Variants in PDE5A observed in about 807,000 individuals in gnomAD.
The protein encoded by PDE5A is cGMP-specific 3',5'-cyclic phosphodiesterase.
A neutral mutation model predicts 110.2 loss-of-function variants in PDE5A; 67 were observed. The ratio of observed to expected loss-of-function variants is 0.61; its 90% CI spans 0.50 to 0.75. The LOEUF (loss-of-function observed/expected upper bound fraction) is 0.75, where lower values mean the gene tolerates loss of function less well. Among genes scored for constraint, PDE5A ranks in the 30% least tolerant of loss-of-function variants. The pLI, the probability that PDE5A is intolerant of heterozygous loss-of-function variation, is 0.00. For synonymous variants in PDE5A, 328 were observed against 351.2 expected (o/e 0.93, Z 0.74); for missense variants, 862 against 1,045.1 (o/e 0.82, Z 2.42).
intron 3 of PDE5A, among the ~76,000 whole-genome samples, chr4:119,575,983 C>A (rs2928993): frequency 3.3e-5 from 5 of 151,942 alleles, no homozygotes; most frequent in African/African-American, 9.7e-5. Context: ...AATAAAGGGA[C>A]GCAGGAAAAT....
chr4:119,585,669 C>T (rs1728735396), intron 3 of PDE5A, among the ~76,000 whole-genome samples: 2 of 152,154 alleles, frequency 1.3e-5, no homozygotes, highest in Non-Finnish European at 2.9e-5. Context: ...AAAGTGTCTC[C>T]ACAAATTCTC....
intron 5 of PDE5A, 99 bp downstream of exon 5, chr4:119,565,222 A>G (rs1727882615): frequency 1.1e-5 from 8 of 756,296 alleles, no homozygotes; most frequent in South Asian, 1.6e-5. Flanking sequence ...CTGAATCTGT[A>G]CTATCTAAAT....
chr4:119,613,476 G>C (rs1729827671), intron 1 of PDE5A, among the ~76,000 whole-genome samples: 1 of 152,000 alleles, frequency 6.6e-6, no homozygotes, highest in African/African-American at 2.4e-5. Context: ...AAATTATCAT[G>C]ATCTTTCCTT....
At chr4:119,587,387 T>G (rs1458534721) in intron 3 of PDE5A, among the ~76,000 whole-genome samples, 1 of 151,486 alleles carries the variant, frequency 6.6e-6, no homozygotes, top group Non-Finnish European at 1.5e-5. Flanking sequence ...GTATTTTTTT[T>G]TTTTTTTGAG....
chr4:119,544,826 T>C (rs1190224733), intron 9 of PDE5A, among the ~76,000 whole-genome samples: 1 of 152,134 alleles, frequency 6.6e-6, no homozygotes, highest in Non-Finnish European at 1.5e-5. Flanking sequence ...ATTCACTGAA[T>C]GAATATATTA....
At chr4:119,552,776 A>T in intron 8 of PDE5A, 139 bp from the exon 9 acceptor site, 1 of 445,232 alleles carries the variant, frequency 2.2e-6, no homozygotes, top group Non-Finnish European at 4.0e-6. Context: ...GAAAGCAGAA[A>T]ATGTATAAAT....
chr4:119,502,645 A>C lies in PDE5A; in HGVS notation c.2342T>G (p.Leu781Arg), dbSNP rs778211360. The change falls in exon 19 of 21, where the codon CTT becomes CGT. Residue 781 changes from leucine (L) to arginine (R), a missense_variant. Physicochemically the swap from Leu to Arg is moderately radical, Grantham distance 102. Transcript: ENST00000354960. ...PWPIQQRIAE[L>R]VATEFFDQGD... ...TTGATCAAAAAATTCAGTTGCTACA[A>C]GTTCTGCTATCTGAAATAAATAACA... is the stretch of plus-strand genomic sequence containing the variant. 1.4e-5 allele frequency: 22 copies of C among 1,602,002 alleles called. No homozygotes were observed. In the South Asian group the frequency reaches 2.4e-4, roughly 18 times the overall value.
chr4:119,601,741 TTA>T (rs1729356457), intron 2 of PDE5A, among the ~76,000 whole-genome samples: 4 of 152,066 alleles, frequency 2.6e-5, no homozygotes, highest in Admixed American at 2.6e-4. Context: ...CTCCATGAGG[TTA>T]AGAATCAGAA....
At chr4:119,560,757 T>C (rs556893864) in intron 6 of PDE5A, among the ~76,000 whole-genome samples, 1 of 152,346 alleles carries the variant, frequency 6.6e-6, no homozygotes, top group South Asian at 2.1e-4. Context: ...TAAAAAGATG[T>C]TTCATTCAGT....
intron 3 of PDE5A, among the ~76,000 whole-genome samples, chr4:119,587,885 G>A (rs1158928687): frequency 2.6e-5 from 4 of 152,212 alleles, no homozygotes; most frequent in African/African-American, 9.6e-5. Context: ...GAAAGCGGCA[G>A]TCAGTACTGT....
chr4:119,600,640 G>C (rs1729312995), intron 2 of PDE5A, among the ~76,000 whole-genome samples: 2 of 152,018 alleles, frequency 1.3e-5, no homozygotes, highest in African/African-American at 4.8e-5. Flanking sequence ...GTTATAATTT[G>C]AACATCAGCA....
chr4:119,599,718 C>T (rs1242062778), intron 2 of PDE5A, among the ~76,000 whole-genome samples: 1 of 135,006 alleles, frequency 7.4e-6, no homozygotes, highest in Non-Finnish European at 1.6e-5. Flanking sequence ...TGTATACACA[C>T]ACACACACAC....
intron 11 of PDE5A, among the ~76,000 whole-genome samples, chr4:119,532,764 C>T (rs1051068815): frequency 6.6e-6 from 1 of 151,998 alleles, no homozygotes; most frequent in Non-Finnish European, 1.5e-5. Flanking sequence ...TATATTTAGG[C>T]TACAGCAAAG....
At position 119,578,532 on chromosome 4, in the gene PDE5A, T is replaced by C. The variant is rs546129295; in HGVS notation, c.832-11388A>G. On this transcript the variant is annotated intron_variant, in intron 3 of 20. Transcript: ENST00000354960. ...AGAACAGAGCCCTCAGAAGTAATGC[T>C]GCATATCTACAACCATCTGATCTTT... 1.1e-3 allele frequency among the ~76,000 whole-genome samples: 162 copies of C among 152,220 alleles called. 2 individuals carry two copies. In the South Asian group the frequency reaches 0.03, roughly 28 times the overall value.
chr4:119,597,681 C>A (rs1729199342), intron 2 of PDE5A, among the ~76,000 whole-genome samples: 1 of 151,930 alleles, frequency 6.6e-6, no homozygotes, highest in South Asian at 2.1e-4. Flanking sequence ...AATATCCACA[C>A]TGGAAAAGCT....
At chr4:119,610,598 T>C (rs1041910767) in intron 1 of PDE5A, among the ~76,000 whole-genome samples, 9 of 152,112 alleles carry the variant, frequency 5.9e-5, no homozygotes, top group Non-Finnish European at 8.8e-5. Flanking sequence ...CCTAAGACCC[T>C]ACCCATCTCA....
At chr4:119,617,702 A>T (rs1273863747) in intron 1 of PDE5A, among the ~76,000 whole-genome samples, 10 of 152,180 alleles carry the variant, frequency 6.6e-5, no homozygotes, top group Non-Finnish European at 1.5e-4. Flanking sequence ...TAGAGCAACT[A>T]GTTTAATACG....
At chr4:119,517,259 G>T (rs758037235) in intron 14 of PDE5A, 2 of 151,960 alleles carry the variant, frequency 1.3e-5, no homozygotes, top group African/African-American at 4.8e-5. Context: ...CTAAATATTA[G>T]TTTGAATATC....
At chr4:119,604,906 C>G (rs535380172) in intron 2 of PDE5A, among the ~76,000 whole-genome samples, 1 of 152,056 alleles carries the variant, frequency 6.6e-6, no homozygotes, top group Non-Finnish European at 1.5e-5. Flanking sequence ...CTTCTTCATC[C>G]GAAATCCATT....
Sources: gnomAD v4.1 joint callset for allele counts (sites outside exome capture counted in the v4.1 genomes callset) on GRCh38, gnomAD v4.1.1 for gene constraint, MANE v1.5 for transcripts, NCBI Gene and HGNC (gene_info 2026-07-23, HGNC 2026-07-21) for gene names.